PHACTR2: variants seen among roughly 807,000 people sequenced by gnomAD.
The protein encoded by PHACTR2 is chromosome 6 open reading frame 56.
In PHACTR2, 30 loss-of-function variants were observed where a neutral mutation model predicts 76.0. The observed-to-expected ratio is 0.39, with a 90% CI of 0.30 to 0.54. The LOEUF (loss-of-function observed/expected upper bound fraction) is 0.54. Among genes scored for constraint, PHACTR2 ranks in the 20% least tolerant of loss-of-function variants. The probability of loss-of-function intolerance (pLI) is 0.61; values close to 1 mark genes in which losing one functional copy is unlikely to be tolerated. For missense variants in PHACTR2, 696 were observed against 781.1 expected, an observed-to-expected ratio of 0.89 and a Z score of 1.30; for synonymous variants, 292 against 292.5, an observed-to-expected ratio of 1.00 and a Z score of 0.02.
chr6:143,705,649 A>G (rs113593307), intron 1 of PHACTR2, among the ~76,000 whole-genome samples: 4,108 of 152,246 alleles, frequency 0.027, 60 homozygotes, highest in African/African-American at 0.044. Context: ...ATGTTTCTCA[A>G]TTTAGTTTTG....
chr6:143,647,470 T>C lies in PHACTR2; in HGVS notation c.13+39148T>C, dbSNP rs1776680000. ...GCCAGCTCCCAGTGTAGTCTAGGTA[T>C]ACTATCCATGGTGAAGAGGACAGCC... On this transcript the variant is annotated intron_variant, in intron 1 of 11. Transcript: ENST00000305766. The surrounding 1 kb of genome is among the most constrained non-coding windows in gnomAD (Gnocchi z 4.2). 6.6e-6 allele frequency among the ~76,000 whole-genome samples: 1 copy of C among 152,218 alleles called. No individual in the cohort carries two copies. The highest frequency in any genetic ancestry group is 2.4e-5 in the African/African-American group (1 of 41,446).
At chr6:143,785,867 G>T (rs182351414) in intron 10 of PHACTR2, among the ~76,000 whole-genome samples, 115 of 152,330 alleles carry the variant, frequency 7.5e-4, no homozygotes, top group Non-Finnish European at 1.5e-3. Context: ...TCCCTAGGCT[G>T]CACACAGCAC....
chr6:143,719,658 C>T (rs1216363332), intron 2 of PHACTR2, among the ~76,000 whole-genome samples: 1 of 150,422 alleles, frequency 6.6e-6, no homozygotes, highest in Non-Finnish European at 1.5e-5. Flanking sequence ...CCTAGAAGTG[C>T]TTTTATTTAT....
At position 143,654,695 on chromosome 6, in the gene PHACTR2, T is replaced by G. The variant is rs993700557; in HGVS notation, c.13+46373T>G. Among the ~76,000 whole-genome samples, 1 of 151,986 alleles carries G rather than the reference T, an allele frequency of 6.6e-6. No homozygotes were observed. Among genetic ancestry groups the G allele is most frequent in the African/African-American group, 2.4e-5 (1 of 41,352 alleles). On this transcript the variant is annotated intron_variant, in intron 1 of 11. Transcript: ENST00000305766. The surrounding 1 kb of genome is among the most constrained non-coding windows in gnomAD (Gnocchi z 4.6). ...GGTGCACGCCTGTAGTCCTAGTGACTTGGGAGGCTGAGGTTGGAGGACTGC... is the reference window on the plus strand; with the variant it reads ...GGTGCACGCCTGTAGTCCTAGTGACGTGGGAGGCTGAGGTTGGAGGACTGC...
rs1776582644 is a variant in PHACTR2, at chr6:143,828,034, C to T, written c.*4345C>T. ...GCATGGTGGCTTGTGCCTGTAATCC[C>T]AGCTACTTGGGAGGCTGAGGCAGGG... On this transcript the variant is annotated 3_prime_UTR_variant, in exon 13 of 13. Coordinates refer to ENST00000440869, the MANE Select transcript of PHACTR2 (RefSeq NM_001100164.2). The surrounding 1 kb of genome is among the most constrained non-coding windows in gnomAD (Gnocchi z 4.7). 6.6e-6 allele frequency: 1 copy of T among 152,018 alleles called. No individual in the cohort carries two copies. The highest frequency in any genetic ancestry group is 2.4e-5 in the African/African-American group (1 of 41,370). 9.4% of individuals were successfully genotyped at this position (152,018 alleles called of 1,614,324 possible).
At chr6:143,615,412 C>G (rs1776044137) in intron 1 of PHACTR2, among the ~76,000 whole-genome samples, 1 of 152,084 alleles carries the variant, frequency 6.6e-6, no homozygotes, top group Non-Finnish European at 1.5e-5. Context: ...TAAGTTGGAG[C>G]AATTTTTTTA....
chr6:143,735,631 AAAAACTT>A (rs1778799986), intron 2 of PHACTR2, among the ~76,000 whole-genome samples: 1 of 152,092 alleles, frequency 6.6e-6, no homozygotes, highest in Non-Finnish European at 1.5e-5. Flanking sequence ...GTTTTTTTAA[AAAAACTT>A]CAGATGAATC....
intron 6 of PHACTR2, among the ~76,000 whole-genome samples, chr6:143,766,836 C>T (rs558242958): frequency 3.9e-5 from 6 of 152,258 alleles, no homozygotes; most frequent in East Asian, 1.9e-4. Context: ...CCCTGTCTCA[C>T]GAGTATGAAG....
upstream of PHACTR2, among the ~76,000 whole-genome samples, chr6:143,673,421 T>A (rs7760907): frequency 0.013 from 2,049 of 152,200 alleles, 45 homozygotes; most frequent in African/African-American, 0.045. Flanking sequence ...GTACCCTCTA[T>A]TTGCCAGGCA....
chr6:143,563,386 A>G (rs1446602999), intron 1 of PHACTR2, among the ~76,000 whole-genome samples: 1 of 104,232 alleles, frequency 9.6e-6, no homozygotes, highest in Admixed American at 9.5e-5. Flanking sequence ...AACATGGTGA[A>G]ACCGCATCTC....
At chr6:143,667,625 C>G (rs1777063411) in intron 1 of PHACTR2, among the ~76,000 whole-genome samples, 1 of 152,144 alleles carries the variant, frequency 6.6e-6, no homozygotes, top group Non-Finnish European at 1.5e-5. Flanking sequence ...GTATTTTATT[C>G]TCTTCGTAGC....
chr6:143,593,733 T>C (rs1051359285), intron 1 of PHACTR2, among the ~76,000 whole-genome samples: 4 of 152,222 alleles, frequency 2.6e-5, no homozygotes, highest in African/African-American at 9.6e-5. Flanking sequence ...AAAGTATTGA[T>C]TCATTTAAAT....
In PHACTR2 at chr6:143,625,270, G is replaced by T. The variant is rs1776236088; in HGVS notation, c.13+16948G>T. On this transcript the variant is annotated intron_variant, in intron 1 of 11. Transcript: ENST00000305766. This position sits in a 1 kb window ranked among gnomAD's most constrained non-coding sequence, Gnocchi z 4.3. ...TGTATACGTACAATAGAATTAGATAGTTTCTGTGCCAGAATTCTTATTTAT... is the reference window on the plus strand; with the variant it reads ...TGTATACGTACAATAGAATTAGATATTTTCTGTGCCAGAATTCTTATTTAT... Among the ~76,000 whole-genome samples the T allele has an allele frequency of 6.6e-6, 1 of 152,054 alleles. No homozygotes were observed. The highest frequency in any genetic ancestry group is 2.4e-5 in the African/African-American group (1 of 41,412).
Position 143,698,781 on chromosome 6 carries a change from GCCCTT to G in PHACTR2, c.47-13232_47-13228del, listed in dbSNP as rs1461754424. 3.3e-5 allele frequency among the ~76,000 whole-genome samples: 5 copies of G among 152,196 alleles called. No individual in the cohort carries two copies. Among genetic ancestry groups the G allele is most frequent in the African/African-American group, 1.2e-4 (5 of 41,442 alleles). On this transcript the variant is annotated intron_variant, in intron 1 of 12. Coordinates refer to ENST00000440869, the MANE Select transcript of PHACTR2 (RefSeq NM_001100164.2). This position sits in a 1 kb window ranked among gnomAD's most constrained non-coding sequence, Gnocchi z 4.3. ...TGATCTGTTTTTGCTTACCATTGTAGCCCTTCCTCTATAATAGCTGCTCAGTTAAT... is the reference window on the plus strand; with the variant it reads ...TGATCTGTTTTTGCTTACCATTGTAGCCTCTATAATAGCTGCTCAGTTAAT...
At chr6:143,768,832 A>G (rs1475009465) in intron 6 of PHACTR2, among the ~76,000 whole-genome samples, 1 of 152,168 alleles carries the variant, frequency 6.6e-6, no homozygotes, top group African/African-American at 2.4e-5. Context: ...AGAAGAGGCC[A>G]TAGGGATTTT....
chr6:143,787,759 A>G lies in PHACTR2; in HGVS notation c.1708-1014A>G, dbSNP rs1468739671. ...GAGACCCCCCACCCACTCTGTTTAAATAAAAAAAAAATAAGCAATATCTCC... is the reference window on the plus strand; with the variant it reads ...GAGACCCCCCACCCACTCTGTTTAAGTAAAAAAAAAATAAGCAATATCTCC... On this transcript the variant is annotated intron_variant, in intron 10 of 12. Coordinates refer to ENST00000440869, the MANE Select transcript of PHACTR2 (RefSeq NM_001100164.2). This position sits in a 1 kb window ranked among gnomAD's most constrained non-coding sequence, Gnocchi z 4.6. Among the ~76,000 whole-genome samples, 2 of 151,848 alleles carry G rather than the reference A, an allele frequency of 1.3e-5. No individual in the cohort carries two copies. Among genetic ancestry groups the G allele is most frequent in the African/African-American group, 4.8e-5 (2 of 41,408 alleles).
intron 7 of PHACTR2, among the ~76,000 whole-genome samples, chr6:143,773,063 T>C (rs1291305740): frequency 6.6e-6 from 1 of 151,820 alleles, no homozygotes; most frequent in African/African-American, 2.4e-5. Flanking sequence ...AAATACAAAA[T>C]CCAGATGGGC....
rs948919520 is a variant in PHACTR2, at chr6:143,680,672, A to C, written c.46+2463A>C. ...AGCTGTATTGATGTATAATTCACAT[A>C]CTATAAAATTCACCCATGGAAAGTG... On this transcript the variant is annotated intron_variant, in intron 1 of 12. Coordinates refer to ENST00000440869, the MANE Select transcript of PHACTR2 (RefSeq NM_001100164.2). The surrounding 1 kb of genome is among the most constrained non-coding windows in gnomAD (Gnocchi z 4.5). Among the ~76,000 whole-genome samples the C allele has an allele frequency of 6.6e-6, 1 of 152,196 alleles. No individual in the cohort carries two copies. Among genetic ancestry groups the C allele is most frequent in the African/African-American group, 2.4e-5 (1 of 41,454 alleles).
intron 2 of PHACTR2, among the ~76,000 whole-genome samples, chr6:143,727,989 A>G (rs780442224): frequency 7.2e-5 from 11 of 152,138 alleles, no homozygotes; most frequent in Non-Finnish European, 1.5e-4. Context: ...AGCCAGAGCA[A>G]TTAGGCAAGA....
Sources: gnomAD v4.1 joint callset for allele counts (sites outside exome capture counted in the v4.1 genomes callset) on GRCh38, gnomAD v4.1.1 for gene constraint, Gnocchi (gnomAD v3.1) non-coding constraint, MANE v1.5 for transcripts, NCBI Gene and HGNC (gene_info 2026-07-23, HGNC 2026-07-21) for gene names.